The following DDX19B variants were observed in gnomAD, a reference collection of about 807,000 sequenced individuals.
The protein encoded by DDX19B is ATP-dependent RNA helicase DDX19B.
Under a neutral mutation model 58.1 loss-of-function variants are expected in DDX19B, and 27 were observed. The observed-to-expected ratio is 0.46, with a 90% CI of 0.34 to 0.64. The LOEUF is 0.64. Ranked by LOEUF, DDX19B falls within the 30% of genes least tolerant of loss-of-function variation. The pLI is 0.01. For synonymous variants in DDX19B, 187 were observed against 214.4 expected, an observed-to-expected ratio of 0.87 and a Z score of 1.12; for missense variants, 399 against 596.5, an observed-to-expected ratio of 0.67 and a Z score of 3.45.
chr16:70,301,415 C>G (rs934421712), intron 1 of DDX19B, among the ~76,000 whole-genome samples: 1 of 152,092 alleles, frequency 6.6e-6, no homozygotes, highest in Non-Finnish European at 1.5e-5. Flanking sequence ...ATGTTTGAGA[C>G]CATCCTGATT....
chr16:70,295,763 G>C (rs180927660), upstream of DDX19B, among the ~76,000 whole-genome samples: 2 of 152,076 alleles, frequency 1.3e-5, no homozygotes, highest in African/African-American at 4.8e-5. Context: ...TACTTGGGAA[G>C]CAGAGGCAGG....
chr16:70,290,081 G>A, upstream of DDX19B: 1 of 286,184 alleles, frequency 3.5e-6, no homozygotes, highest in Non-Finnish European at 7.1e-6. Context: ...AGGCCTGGGG[G>A]AGGAGGGTGA....
At chr16:70,313,751 T>A (rs1962209191) in intron 2 of DDX19B, among the ~76,000 whole-genome samples, 1 of 152,176 alleles carries the variant, frequency 6.6e-6, no homozygotes, top group African/African-American at 2.4e-5. Context: ...TTCTCAAAAT[T>A]CACTTAAATC....
intron 6 of DDX19B, 122 bp downstream of exon 6, chr16:70,324,809 T>C: frequency 5.5e-6 from 5 of 911,596 alleles, no homozygotes; most frequent in Non-Finnish European, 3.2e-6. Flanking sequence ...CCCAGCACTT[T>C]GGGAGGCCGA....
intron 1 of DDX19B, among the ~76,000 whole-genome samples, chr16:70,300,468 A>G (rs929507036): frequency 6.6e-6 from 1 of 152,096 alleles, no homozygotes; most frequent in African/African-American, 2.4e-5. Context: ...TCAGCCTCCC[A>G]AAGTGCTGGG....
intron 1 of DDX19B, among the ~76,000 whole-genome samples, chr16:70,311,940 C>G (rs1962116969): frequency 6.6e-6 from 1 of 151,890 alleles, no homozygotes; most frequent in African/African-American, 2.4e-5. Flanking sequence ...CTCCTGGGTT[C>G]AAGCGATTCT....
At chr16:70,315,220 CAAA>C (rs765908935) in intron 3 of DDX19B, among the ~76,000 whole-genome samples, 1 of 95,248 alleles carries the variant, frequency 1.0e-5, no homozygotes, top group Non-Finnish European at 2.4e-5. Flanking sequence ...ACTAAAAATA[CAAA>C]AAAAAAAAAA....
intron 5 of DDX19B, among the ~76,000 whole-genome samples, chr16:70,323,326 C>T (rs1254859175): frequency 6.6e-6 from 1 of 152,104 alleles, no homozygotes; most frequent in Admixed American, 6.6e-5. Context: ...AGGCTGGTCT[C>T]AAACTCCTAG....
chr16:70,323,410 C>T (rs1396979935), intron 5 of DDX19B, among the ~76,000 whole-genome samples: 3 of 151,462 alleles, frequency 2.0e-5, no homozygotes, highest in African/African-American at 7.3e-5. Context: ...CTGACCTTGC[C>T]TGCTTTTTTT....
intron 8 of DDX19B, 150 bp downstream of exon 8, chr16:70,329,619 T>A: frequency 7.4e-7 from 1 of 1,342,402 alleles, no homozygotes. Context: ...GTGTCAGCGC[T>A]GGCCACAGTC....
chr16:70,324,537 A>G (rs1963038400), intron 5 of DDX19B, 48 bp from the exon 6 acceptor site: 1 of 1,544,090 alleles, frequency 6.5e-7, no homozygotes, highest in African/African-American at 1.4e-5. Context: ...AACTTTGTTA[A>G]CTAAAAGGTT....
chr16:70,318,806 A>G (rs1962592275), intron 5 of DDX19B, among the ~76,000 whole-genome samples: 1 of 148,864 alleles, frequency 6.7e-6, no homozygotes, highest in African/African-American at 2.5e-5. Context: ...CAAAAAAAAA[A>G]AAAAAAGTTG....
intron 1 of DDX19B, among the ~76,000 whole-genome samples, chr16:70,309,443 C>T (rs1280414275): frequency 6.6e-6 from 1 of 152,080 alleles, no homozygotes; most frequent in South Asian, 2.1e-4. Flanking sequence ...TGCAGTGAGC[C>T]AAGATCACGC....
At chr16:70,327,886 C>G (rs563056052) in intron 7 of DDX19B, among the ~76,000 whole-genome samples, 3 of 152,094 alleles carry the variant, frequency 2.0e-5, no homozygotes, top group African/African-American at 7.2e-5. Context: ...CATGATGGCT[C>G]ATACCTGTAA....
At chr16:70,294,689 C>T, upstream of DDX19B, 1 of 501,012 alleles carries the variant, frequency 2.0e-6, no homozygotes. Flanking sequence ...TTGCGCTTGT[C>T]TTTGGCCCCC....
At chr16:70,331,608 A>T in intron 9 of DDX19B, 114 bp from the exon 10 acceptor site, 1 of 1,389,402 alleles carries the variant, frequency 7.2e-7, no homozygotes, top group African/African-American at 1.5e-5. Context: ...TAACCTCCTA[A>T]CTGGATTTAG....
chr16:70,312,994 C>T (rs1027115170), intron 2 of DDX19B, among the ~76,000 whole-genome samples: 8 of 151,828 alleles, frequency 5.3e-5, no homozygotes, highest in African/African-American at 1.9e-4. Context: ...AGGCACAACC[C>T]ACTACGCCCA....
intron 5 of DDX19B, chr16:70,317,895 T>C (rs919339029): frequency 5.0e-6 from 1 of 200,600 alleles, no homozygotes; most frequent in Non-Finnish European, 1.0e-5. Context: ...CAGTGAACCA[T>C]GATCATACCA....
upstream of DDX19B, among the ~76,000 whole-genome samples, chr16:70,291,278 A>C (rs563120064): frequency 1.3e-5 from 2 of 152,294 alleles, no homozygotes; most frequent in Middle Eastern, 3.4e-3. Flanking sequence ...CAAAACCAGG[A>C]GACACAAGTG....
Sources: allele counts gnomAD v4.1 joint callset (sites outside exome capture counted in the v4.1 genomes callset), GRCh38; gene constraint gnomAD v4.1.1; transcripts MANE v1.5; gene names NCBI Gene and HGNC (gene_info 2026-07-23, HGNC 2026-07-21).